The following XRCC5 variants were observed in gnomAD, a reference collection of about 807,000 sequenced individuals.
XRCC5 encodes the protein DNA repair protein Ku80.
Under a neutral mutation model 95.7 loss-of-function variants are expected in XRCC5, and 12 were observed. The observed-to-expected ratio is 0.13, with a 90% CI of 0.08 to 0.20. The LOEUF (loss-of-function observed/expected upper bound fraction) is 0.20, where lower values mean the gene tolerates loss of function less well. Among genes scored for constraint, XRCC5 ranks in the 10% least tolerant of loss-of-function variants. XRCC5 has a pLI of 1.00. For synonymous variants in XRCC5, 281 were observed against 290.3 expected (o/e 0.97, Z 0.33); for missense variants, 595 against 873.9 (o/e 0.68, Z 4.02).
chr2:216,117,550 G>T (rs1574451271), intron 3 of XRCC5, 196 bp from the exon 4 acceptor site: 1 of 504,456 alleles, frequency 2.0e-6, no homozygotes. Flanking sequence ...GTTGTTTTTG[G>T]CAGAATATAT....
intron 2 of XRCC5, among the ~76,000 whole-genome samples, chr2:216,114,082 GAAT>G (rs1696640522): frequency 1.3e-5 from 2 of 152,164 alleles, no homozygotes; most frequent in African/African-American, 4.8e-5. Flanking sequence ...TGTAAAATGA[GAAT>G]AATGATACCT....
At chr2:216,117,507 ATG>A (rs1696721234) in intron 3 of XRCC5, 1 of 484,188 alleles carries the variant, frequency 2.1e-6, no homozygotes, top group Admixed American at 3.4e-5. Context: ...AATGAATGCA[ATG>A]TGTTAGATTA....
At chr2:216,164,537 A>G (rs1018149738) in intron 16 of XRCC5, among the ~76,000 whole-genome samples, 4 of 152,236 alleles carry the variant, frequency 2.6e-5, no homozygotes, top group African/African-American at 9.6e-5. Context: ...AATAACTTTG[A>G]TAAGTGCTTA....
Position 216,205,578 on chromosome 2 carries a change from C to A in XRCC5, c.*376C>A, listed in dbSNP as rs1260933761. 1.5e-5 allele frequency: 3 copies of A among 197,054 alleles called. No homozygotes were observed. In the South Asian group the frequency reaches 3.2e-4, roughly 21 times the overall value. The allele number at this position is 197,054 out of a possible 1,614,324, so 12.2% of individuals were successfully genotyped here. On this transcript the variant is annotated 3_prime_UTR_variant, in exon 21 of 21. Transcript: ENST00000392132. ...ATGTGATTAGTGTCTCATGTGGAAC[C>A]ATGGCATGGTTATTGATGAGTTTCT...
chr2:216,165,075 T>A (rs1329392903), intron 16 of XRCC5, among the ~76,000 whole-genome samples: 1 of 152,226 alleles, frequency 6.6e-6, no homozygotes, highest in Non-Finnish European at 1.5e-5. Context: ...ATGGATAAAC[T>A]GTAAAATTGG....
chr2:216,188,391 G>A (rs1477602090), intron 16 of XRCC5, among the ~76,000 whole-genome samples: 1 of 152,174 alleles, frequency 6.6e-6, no homozygotes, highest in Non-Finnish European at 1.5e-5. Context: ...CAAGGGCCTT[G>A]TCTTCAACTT....
chr2:216,135,951 C>T (rs961849738), intron 10 of XRCC5, among the ~76,000 whole-genome samples: 1 of 152,028 alleles, frequency 6.6e-6, no homozygotes, highest in South Asian at 2.1e-4. Flanking sequence ...TTAGTCTTGT[C>T]GTGGTGAATG....
Position 216,205,278 on chromosome 2 carries a change from C to T in XRCC5, c.*76C>T, listed in dbSNP as rs925714039. 17 of 1,594,044 alleles carry T rather than the reference C, an allele frequency of 1.1e-5. No individual in the cohort carries two copies. The African/African-American group carries it at 1.5e-4, about 14-fold the overall frequency. ...GAGTTCTAACAAAACAAGTTGGATG[C>T]GGCCATTCAAGGGGAGCCAAAATCT... On this transcript the variant is annotated 3_prime_UTR_variant, in exon 21 of 21. Coordinates refer to ENST00000392132, the MANE Select transcript of XRCC5 (RefSeq NM_021141.4).
At chr2:216,118,173 GT>G (rs1418512012) in intron 4 of XRCC5, among the ~76,000 whole-genome samples, 2 of 149,250 alleles carry the variant, frequency 1.3e-5, no homozygotes, top group African/African-American at 4.9e-5. Context: ...TATGTTTTTT[GT>G]TGTTTTTTTT....
In XRCC5 at chr2:216,113,037, G is replaced by A. The variant is rs1696616569; in HGVS notation, c.43G>A (p.Asp15Asn). 1.2e-6 allele frequency: 2 copies of A among 1,614,082 alleles called. No homozygotes were observed. The highest frequency in any genetic ancestry group is 1.3e-5 in the African/African-American group (1 of 75,034). Residue 15 changes from aspartate to asparagine, a missense_variant, in exon 2 of 21, where the codon GAC (aspartate) becomes AAC (asparagine). Around this residue, in one of 2 missense-constraint regions of XRCC5, gnomAD observed 286 missense variants for 491.1 expected, o/e 0.58. Transcript: ENST00000392132. ...CCAGGCAGCTGTTGTGCTGTGTATGGACGTGGGCTTTACCATGAGTAACTC... is the reference window on the plus strand; with the variant it reads ...CCAGGCAGCTGTTGTGCTGTGTATGAACGTGGGCTTTACCATGAGTAACTC... ...GNKAAVVLCMDVGFTMSNSIP... is the reference protein window; with the variant it reads ...GNKAAVVLCMNVGFTMSNSIP...
chr2:216,175,205 C>T, intron 16 of XRCC5: 2 of 374,152 alleles, frequency 5.3e-6, no homozygotes, highest in South Asian at 2.2e-5. Flanking sequence ...GGCCCACCAC[C>T]ATTGTTGCCC....
intron 14 of XRCC5, among the ~76,000 whole-genome samples, chr2:216,155,803 CTGATA>C (rs1192932102): frequency 1.3e-4 from 20 of 152,102 alleles, no homozygotes; most frequent in African/African-American, 4.3e-4. Context: ...TAAGATGTAT[CTGATA>C]TATCGGTGGG....
chr2:216,195,059 A>C, intron 19 of XRCC5, 73 bp downstream of exon 19: 1 of 1,463,182 alleles, frequency 6.8e-7, no homozygotes, highest in Non-Finnish European at 9.5e-7. Flanking sequence ...CCCTCGAAGA[A>C]GTTAAATTTT....
At chr2:216,176,007 C>T (rs1455681251) in intron 16 of XRCC5, 3 of 223,622 alleles carry the variant, frequency 1.3e-5, no homozygotes, top group African/African-American at 7.1e-5. Context: ...AGCCTAGGGG[C>T]AACCGGGTAG....
chr2:216,204,430 G>T, intron 20 of XRCC5, 34 bp downstream of exon 20: 2 of 1,609,982 alleles, frequency 1.2e-6, no homozygotes, highest in Non-Finnish European at 1.7e-6. Context: ...GGTGTTCTAT[G>T]ATTGAAGTCA....
At chr2:216,167,029 G>T (rs954351163) in intron 16 of XRCC5, among the ~76,000 whole-genome samples, 1 of 152,090 alleles carries the variant, frequency 6.6e-6, no homozygotes, top group Non-Finnish European at 1.5e-5. Flanking sequence ...TAGTGACAGG[G>T]TGGCAGAGCT....
intron 16 of XRCC5, among the ~76,000 whole-genome samples, chr2:216,162,281 A>G (rs548461043): frequency 1.3e-5 from 2 of 152,312 alleles, no homozygotes; most frequent in East Asian, 3.9e-4. Context: ...CCCTACAGAA[A>G]AACTTTGGGC....
chr2:216,122,079 G>A lies in XRCC5; in HGVS notation c.509G>A (p.Gly170Asp), dbSNP rs1253130341. 1 of 1,612,076 alleles carries A rather than the reference G, an allele frequency of 6.2e-7. No homozygotes were observed. The highest frequency in any genetic ancestry group is 2.2e-5 in the East Asian group (1 of 44,878). Residue 170 changes from glycine (G) to aspartate (D), a missense_variant, in exon 6 of 21, where the codon GGC becomes GAC. By Grantham distance (94) the Gly-to-Asp change is moderately conservative. Around this residue, in one of 2 missense-constraint regions of XRCC5, gnomAD observed 286 missense variants for 491.1 expected, o/e 0.58. Transcript: ENST00000392132. ...SLQFFLPFSL[G>D]KEDGSGDRGD... The stretch of plus-strand genomic sequence containing the variant: ...CTTAATAGCTTGCCTTTCTCACTTG[G>A]CAAGGAAGATGGAAGTGGGGACAGA...
intron 13 of XRCC5, among the ~76,000 whole-genome samples, chr2:216,141,632 G>T (rs1697174403): frequency 1.4e-5 from 2 of 143,110 alleles, no homozygotes; most frequent in Admixed American, 1.5e-4. Context: ...GGAGTGCAGT[G>T]TTGTGATCAT....
Sources: allele counts gnomAD v4.1 joint callset (sites outside exome capture counted in the v4.1 genomes callset), GRCh38; gene constraint gnomAD v4.1.1; regional missense constraint gnomAD v4.1.1; transcripts MANE v1.5; gene names NCBI Gene and HGNC (gene_info 2026-07-23, HGNC 2026-07-21).